The following SLC4A3 variants were observed in gnomAD, a reference collection of about 807,000 sequenced individuals.
SLC4A3 encodes the protein solute carrier family 4 member 3.
SLC4A3 carries 47 observed loss-of-function variants against 114.2 expected under a neutral mutation model. The observed-to-expected ratio is 0.41, with a 90% CI of 0.33 to 0.52. The LOEUF is 0.52. SLC4A3 is among the 20% of genes least tolerant of loss of function. The pLI, the probability that SLC4A3 is intolerant of heterozygous loss-of-function variation, is 0.21. For synonymous variants in SLC4A3, 693 were observed against 710.3 expected, an observed-to-expected ratio of 0.98 and a Z score of 0.39; for missense variants, 1,312 against 1,668.3, an observed-to-expected ratio of 0.79 and a Z score of 3.72.
Position 219,630,237 on chromosome 2 carries a change from G to A in SLC4A3, c.696G>A (p.Arg232=). The change falls in exon 6 of 23, where the codon CGG becomes CGA. Residue 232 remains arginine (R), a synonymous_variant. Coordinates refer to ENST00000358055, the MANE Select transcript of SLC4A3 (RefSeq NM_005070.4). This position sits in a 1 kb window ranked among gnomAD's most constrained non-coding sequence, Gnocchi z 6.9. ...GCCCATCGGCCAGTTATGACCTGCGGGAGCGACTGTGCCCAGGCAGTGCCC... is the reference window on the plus strand; with the variant it reads ...GCCCATCGGCCAGTTATGACCTGCGAGAGCGACTGTGCCCAGGCAGTGCCC... The part of the protein sequence containing the change: ...PWSPSASYDL[R]ERLCPGSALG... 6.2e-7 allele frequency: 1 copy of A among 1,613,286 alleles called. No homozygotes were observed. Among genetic ancestry groups the A allele is most frequent in the Non-Finnish European group, 8.5e-7 (1 of 1,179,832 alleles).
In SLC4A3 at chr2:219,636,374, C is replaced by G. The variant is rs1367788018; in HGVS notation, c.2264C>G (p.Ser755Cys). 5 of 1,613,816 alleles carry G rather than the reference C, an allele frequency of 3.1e-6. No individual in the cohort carries two copies. Among genetic ancestry groups the G allele is most frequent in the Non-Finnish European group, 3.4e-6 (4 of 1,179,904 alleles). ...VSTAVLGVLFSLLGAQPLLVV... is the reference protein window; with the variant it reads ...VSTAVLGVLFCLLGAQPLLVV... ...ACCGCTGTGCTCGGCGTCCTCTTCTCTCTGCTGGGAGCTCAGCCGCTGCTT... is the reference window on the plus strand; with the variant it reads ...ACCGCTGTGCTCGGCGTCCTCTTCTGTCTGCTGGGAGCTCAGCCGCTGCTT... The change falls in exon 15 of 23, where the codon TCT becomes TGT. Residue 755 changes from serine (S) to cysteine (C), a missense_variant. Physicochemically the swap from Ser to Cys is moderately radical, Grantham distance 112. Coordinates refer to ENST00000358055, the MANE Select transcript of SLC4A3 (RefSeq NM_005070.4). This position sits in a 1 kb window ranked among gnomAD's most constrained non-coding sequence, Gnocchi z 5.5.
rs1698809852 is a variant in SLC4A3 at position 219,628,697 on chromosome 2, G to C, written c.217+127G>C. ...TGTGCCGGACACTGTGCTGGACTCTGTGCTGGGCCACATGCCGTGTTCAGT... is the reference window on the plus strand; with the variant it reads ...TGTGCCGGACACTGTGCTGGACTCTCTGCTGGGCCACATGCCGTGTTCAGT... On this transcript the variant is annotated intron_variant, in intron 3 of 22. Transcript: ENST00000358055. The surrounding 1 kb of genome is among the most constrained non-coding windows in gnomAD (Gnocchi z 4.8). 4 of 973,724 alleles carry C rather than the reference G, an allele frequency of 4.1e-6. No homozygotes were observed. Among genetic ancestry groups the C allele is most frequent in the Non-Finnish European group, 6.1e-6 (4 of 657,056 alleles). The allele number at this position is 973,724 out of a possible 1,614,324, so 60.3% of individuals were successfully genotyped here.
chr2:219,629,095 G>A (rs1479358047), intron 3 of SLC4A3, 49 bp from the exon 4 acceptor site: 2 of 1,522,628 alleles, frequency 1.3e-6, no homozygotes, highest in Admixed American at 2.1e-5. Context: ...GGTGGGGAGG[G>A]CCCCTGTTTC....
chr2:219,639,826 A>G lies in SLC4A3; in HGVS notation c.3277+91A>G, dbSNP rs149059657. 14 of 1,506,600 alleles carry G rather than the reference A, an allele frequency of 9.3e-6. No individual in the cohort carries two copies. In the African/African-American group the frequency reaches 9.6e-5, roughly 10 times the overall value. The allele number at this position is 1,506,600 out of a possible 1,614,324, so 93.3% of individuals were successfully genotyped here. ...CCCAGGCTTGACCCTGAATCTCCCAATGTGCTGTGTGTTGCCCTCAATCTG... is the reference window on the plus strand; with the variant it reads ...CCCAGGCTTGACCCTGAATCTCCCAGTGTGCTGTGTGTTGCCCTCAATCTG... On this transcript the variant is annotated intron_variant, in intron 20 of 22. Transcript: ENST00000358055. This position sits in a 1 kb window ranked among gnomAD's most constrained non-coding sequence, Gnocchi z 5.9.
Position 219,628,657 on chromosome 2 carries a change from C to G in SLC4A3, c.217+87C>G, listed in dbSNP as rs1698807355. 2.5e-5 allele frequency: 33 copies of G among 1,339,966 alleles called. No individual in the cohort carries two copies. The highest frequency in any genetic ancestry group is 3.4e-5 in the Non-Finnish European group (32 of 955,018). The allele number at this position is 1,339,966 out of a possible 1,614,324, so 83.0% of individuals were successfully genotyped here. A position where few individuals can be genotyped will look rare whatever the true frequency, so the allele number is the denominator to read the frequency against. ...TCACCGCGCTCACCTCCGGCTTGGT[C>G]ACCCAGTGCCATCCTGTGCCGGACA... On this transcript the variant is annotated intron_variant, in intron 3 of 22. Coordinates refer to ENST00000358055, the MANE Select transcript of SLC4A3 (RefSeq NM_005070.4). The surrounding 1 kb of genome is among the most constrained non-coding windows in gnomAD (Gnocchi z 4.8).
chr2:219,640,758 G>A (rs1183797011), intron 21 of SLC4A3, 31 bp from the exon 22 acceptor site: 3 of 1,604,136 alleles, frequency 1.9e-6, no homozygotes, highest in Non-Finnish European at 8.5e-7. Flanking sequence ...CCGGGACGCT[G>A]TGCACTGGGG....
intron 14 of SLC4A3, 59 bp downstream of exon 14, chr2:219,635,950 T>G: frequency 7.5e-7 from 1 of 1,338,508 alleles, no homozygotes; most frequent in Non-Finnish European, 9.9e-7. Flanking sequence ...GGTCCCAGTG[T>G]CACTTGCAGG....
chr2:219,628,555 G>A lies in SLC4A3; in HGVS notation c.202G>A (p.Glu68Lys), dbSNP rs1052409928. The A allele has an allele frequency of 5.6e-6, 9 of 1,612,896 alleles. No individual in the cohort carries two copies. In the African/African-American group the frequency reaches 9.4e-5, roughly 17 times the overall value. ...CGAGAAGCCCAGCCGCAGCTACAGC[G>A]AGCGGGACTTTGAGTGTGGGTAGCC... is the stretch of plus-strand genomic sequence containing the variant. ...DPEKPSRSYS[E>K]RDFEFHRHTS... is the part of the protein sequence containing the mutation. Residue 68 changes from glutamate to lysine, a missense_variant, in exon 3 of 23, where the codon GAG becomes AAG. Glu to Lys is a moderately conservative substitution (Grantham distance 56, BLOSUM62 1). Coordinates refer to ENST00000358055, the MANE Select transcript of SLC4A3 (RefSeq NM_005070.4). The surrounding 1 kb of genome is among the most constrained non-coding windows in gnomAD (Gnocchi z 4.8).
Position 219,637,498 on chromosome 2 carries a change from T to C in SLC4A3, c.2536-83T>C. On this transcript the variant is annotated intron_variant, in intron 16 of 22. Transcript: ENST00000358055. The surrounding 1 kb of genome is among the most constrained non-coding windows in gnomAD (Gnocchi z 4.6). ...CTGACCAGGTATTGAGGGGCCACCCTCTCTCTCACAGGTGTACTGATGACG... is the reference window on the plus strand; with the variant it reads ...CTGACCAGGTATTGAGGGGCCACCCCCTCTCTCACAGGTGTACTGATGACG... 1 of 746,588 alleles carries C rather than the reference T, an allele frequency of 1.3e-6. No homozygotes were observed. The highest frequency in any genetic ancestry group is 2.3e-6 in the Non-Finnish European group (1 of 437,324). 46.2% of individuals were successfully genotyped at this position (746,588 alleles called of 1,614,324 possible).
At position 219,630,893 on chromosome 2, in the gene SLC4A3, TCC is replaced by T. The variant is rs1698893733; in HGVS notation, c.811+543_811+544del. The stretch of plus-strand genomic sequence containing the variant: ...GTGCCCAGGCCAGGGGCATCACTGA[TCC>T]CTCCCCCTCCTCCGAGCCACAGTGT... On this transcript the variant is annotated intron_variant, in intron 6 of 22. Coordinates refer to ENST00000358055, the MANE Select transcript of SLC4A3 (RefSeq NM_005070.4). The surrounding 1 kb of genome is among the most constrained non-coding windows in gnomAD (Gnocchi z 6.9). Among the ~76,000 whole-genome samples the T allele has an allele frequency of 6.6e-6, 1 of 151,638 alleles. No homozygotes were observed. Among genetic ancestry groups the T allele is most frequent in the African/African-American group, 2.4e-5 (1 of 41,224 alleles).
chr2:219,633,301 C>A lies in SLC4A3; in HGVS notation c.1305C>A (p.Gly435=). Reference sequence around the variant, plus strand: ...ATCCCAACGATGACAAGGACAGTGGCTTCTTTCCCCGAAACCCATCGAGCT... The same window carrying A: ...ATCCCAACGATGACAAGGACAGTGGATTCTTTCCCCGAAACCCATCGAGCT... ...HSHPNDDKDS[G]FFPRNPSSSS... The change falls in exon 10 of 23, where the codon GGC becomes GGA. Residue 435 remains glycine, a synonymous_variant. Transcript: ENST00000358055. 6.3e-7 allele frequency: 1 copy of A among 1,580,608 alleles called. No individual in the cohort carries two copies. The highest frequency in any genetic ancestry group is 1.2e-5 in the South Asian group (1 of 85,504).
Position 219,641,576 on chromosome 2 carries a change from T to C in SLC4A3, c.3622-75T>C, listed in dbSNP as rs1203220050. Reference sequence around the variant, plus strand: ...GTCAGGGAGCAGGGAGGGCTGCAGGTTGGAGGAGGAGCTGGAGAATGGGAG... The same window carrying C: ...GTCAGGGAGCAGGGAGGGCTGCAGGCTGGAGGAGGAGCTGGAGAATGGGAG... On this transcript the variant is annotated intron_variant, in intron 22 of 22. Transcript: ENST00000358055. The surrounding 1 kb of genome is among the most constrained non-coding windows in gnomAD (Gnocchi z 4.0). The C allele has an allele frequency of 2.5e-6, 3 of 1,193,694 alleles. No individual in the cohort carries two copies. The highest frequency in any genetic ancestry group is 1.5e-5 in the African/African-American group (1 of 66,818). The allele number at this position is 1,193,694 out of a possible 1,614,324, so 73.9% of individuals were successfully genotyped here.
In SLC4A3 at chr2:219,633,811, C is replaced by T. The variant is rs1380209330; in HGVS notation, c.1462-69C>T. On this transcript the variant is annotated intron_variant, in intron 10 of 22. Coordinates refer to ENST00000358055, the MANE Select transcript of SLC4A3 (RefSeq NM_005070.4). ...GCAGGTCTCAGAGCCAGGGCTGGAGCCAGGGCTGGGAGGGCCTGCCACGGC... is the reference window on the plus strand; with the variant it reads ...GCAGGTCTCAGAGCCAGGGCTGGAGTCAGGGCTGGGAGGGCCTGCCACGGC... The T allele has an allele frequency of 3.2e-6, 5 of 1,546,006 alleles. No homozygotes were observed. The Admixed American group carries it at 5.9e-5, about 18-fold the overall frequency.
At position 219,633,354 on chromosome 2, in the gene SLC4A3, A is replaced by T. The variant is rs1481198336; in HGVS notation, c.1358A>T (p.His453Leu). 6.2e-7 allele frequency: 1 copy of T among 1,607,352 alleles called. No homozygotes were observed. The highest frequency in any genetic ancestry group is 2.2e-5 in the East Asian group (1 of 44,628). ...SSSMNSVLGN[H>L]HPTPSHGPDG... ...AGCATGAACTCGGTTCTGGGGAATC[A>T]TCACCCAACTCCCAGCCATGGCCCT... is the stretch of plus-strand genomic sequence containing the variant. The change falls in exon 10 of 23, where the codon CAT becomes CTT. Residue 453 changes from histidine to leucine, a missense_variant. Coordinates refer to ENST00000358055, the MANE Select transcript of SLC4A3 (RefSeq NM_005070.4).
chr2:219,640,362 T>C, intron 20 of SLC4A3, 68 bp from the exon 21 acceptor site: 1 of 1,537,554 alleles, frequency 6.5e-7, no homozygotes, highest in Non-Finnish European at 8.8e-7. Flanking sequence ...CTGTGTCACC[T>C]CTTCCAGGCC....
chr2:219,640,301 T>G, intron 20 of SLC4A3, 129 bp from the exon 21 acceptor site: 2 of 863,970 alleles, frequency 2.3e-6, no homozygotes, highest in Non-Finnish European at 3.3e-6. Context: ...CCATGTCGCC[T>G]CCCCCCAGGC....
chr2:219,635,208 A>G, intron 12 of SLC4A3, 63 bp from the exon 13 acceptor site: 6 of 1,374,006 alleles, frequency 4.4e-6, no homozygotes, highest in Non-Finnish European at 6.2e-6. Context: ...ACCCGCCTCA[A>G]GTCTCCCTCC....
At position 219,631,263 on chromosome 2, in the gene SLC4A3, C is replaced by G; in HGVS notation, c.812-705C>G. 1 of 1,286,360 alleles carries G rather than the reference C, an allele frequency of 7.8e-7. No individual in the cohort carries two copies. The highest frequency in any genetic ancestry group is 1.0e-6 in the Non-Finnish European group (1 of 976,020). 79.7% of individuals were successfully genotyped at this position (1,286,360 alleles called of 1,614,324 possible). A position where few individuals can be genotyped will look rare whatever the true frequency, so the allele number is the denominator to read the frequency against. ...AATGACGAGCCCACTGGAGAAGGACCCTGAGCCCAATGGGGCACTGAGCCC... is the reference window on the plus strand; with the variant it reads ...AATGACGAGCCCACTGGAGAAGGACGCTGAGCCCAATGGGGCACTGAGCCC... On this transcript the variant is annotated intron_variant, in intron 6 of 22. Coordinates refer to ENST00000358055, the MANE Select transcript of SLC4A3 (RefSeq NM_005070.4). The surrounding 1 kb of genome is among the most constrained non-coding windows in gnomAD (Gnocchi z 6.3).
In SLC4A3 at chr2:219,628,325, C is replaced by T. The variant is rs549295994; in HGVS notation, c.52-80C>T. The T allele has an allele frequency of 4.2e-6, 6 of 1,424,714 alleles. No individual in the cohort carries two copies. The African/African-American group carries it at 8.6e-5, about 20-fold the overall frequency. 88.3% of individuals were successfully genotyped at this position (1,424,714 alleles called of 1,614,324 possible). A position where few individuals can be genotyped will look rare whatever the true frequency, so the allele number is the denominator to read the frequency against. ...TGGTGTGAGAGCCTGCTGAGCTCCCCCAACTAGGGCTTGGAGTTGGGGTGG... is the reference window on the plus strand; with the variant it reads ...TGGTGTGAGAGCCTGCTGAGCTCCCTCAACTAGGGCTTGGAGTTGGGGTGG... On this transcript the variant is annotated intron_variant, in intron 2 of 22. Transcript: ENST00000358055. This position sits in a 1 kb window ranked among gnomAD's most constrained non-coding sequence, Gnocchi z 4.8.
Sources: gnomAD v4.1 joint callset for allele counts (sites outside exome capture counted in the v4.1 genomes callset) on GRCh38, gnomAD v4.1.1 for gene constraint, Gnocchi (gnomAD v3.1) non-coding constraint, MANE v1.5 for transcripts, NCBI Gene and HGNC (gene_info 2026-07-23, HGNC 2026-07-21) for gene names.